Variants in GLG1 observed in about 807,000 individuals in gnomAD.
The protein encoded by GLG1 is Golgi apparatus protein 1.
A neutral mutation model predicts 160.5 loss-of-function variants in GLG1; 38 were observed. The observed-to-expected ratio is 0.24, with a 90% confidence interval of 0.18 to 0.31. The LOEUF (loss-of-function observed/expected upper bound fraction) is 0.31, where lower values mean the gene tolerates loss of function less well. Among genes scored for constraint, GLG1 ranks in the 10% least tolerant of loss-of-function variants. The pLI, the probability that GLG1 is intolerant of heterozygous loss-of-function variation, is 1.00. For synonymous variants in GLG1, 644 were observed against 543.4 expected (o/e 1.19, Z -2.57); for missense variants, 1,373 against 1,505.2 (o/e 0.91, Z 1.45).
At position 74,606,841 on chromosome 16, in the gene GLG1, G is replaced by GGCTGCTGTTGCTGTTGATGCT. The variant is rs1567555063; in HGVS notation, c.253_254insAGCATCAACAGCAACAGCAGC (p.Gln84_Pro85insGlnHisGlnGlnGlnGlnGln). On this transcript the variant is annotated inframe_insertion, in exon 1 of 26. Transcript: ENST00000422840. ...CGGGAAAGGCGGCTGCGGCGGCTGA[G>GGCTGCTGTTGCTGTTGATGCT]GCTGCTGTTGCTGTTGCTGCTGCTG... The GGCTGCTGTTGCTGTTGATGCT allele has an allele frequency of 1.3e-6, 2 of 1,599,244 alleles. No individual in the cohort carries two copies. The highest frequency in any genetic ancestry group is 1.8e-5 in the Admixed American group (1 of 56,964).
In GLG1 at chr16:74,526,412, G is replaced by T. The variant is rs958582138; in HGVS notation, c.471+5709C>A. ...AAGATTCATGACATTACCTGTAGATGAATCTTTGAGATTTAAAAAATACAC... is the reference window on the plus strand; with the variant it reads ...AAGATTCATGACATTACCTGTAGATTAATCTTTGAGATTTAAAAAATACAC... On this transcript the variant is annotated intron_variant, in intron 2 of 25. Coordinates refer to ENST00000422840, the MANE Select transcript of GLG1 (RefSeq NM_001145667.2). Among the ~76,000 whole-genome samples, 10 of 146,024 alleles carry T rather than the reference G, an allele frequency of 6.8e-5. No homozygotes were observed. In the Admixed American group the frequency reaches 6.9e-4, roughly 10 times the overall value.
At chr16:74,482,987 G>A (rs1162960271) in intron 10 of GLG1, 36 bp downstream of exon 10, 2 of 1,040,420 alleles carry the variant, frequency 1.9e-6, no homozygotes, top group Non-Finnish European at 3.0e-6. Flanking sequence ...AGAAGAGGCT[G>A]AGGCAATACA....
intron 1 of GLG1, among the ~76,000 whole-genome samples, chr16:74,587,589 C>G (rs191096204): frequency 5.3e-5 from 8 of 152,324 alleles, no homozygotes; most frequent in Admixed American, 4.6e-4. Flanking sequence ...GCTATTACGG[C>G]TGGGCACGGT....
intron 18 of GLG1, among the ~76,000 whole-genome samples, chr16:74,466,074 G>A (rs879024008): frequency 6.6e-6 from 1 of 152,158 alleles, no homozygotes; most frequent in South Asian, 2.1e-4. Flanking sequence ...ACGATTTCTG[G>A]TTTCTTCTGC....
At chr16:74,483,276 C>A (rs1463316627) in intron 9 of GLG1, 152 bp from the exon 10 acceptor site, 2 of 595,400 alleles carry the variant, frequency 3.4e-6, no homozygotes, top group Admixed American at 6.1e-5. Flanking sequence ...ATTAACTGAA[C>A]CTGACAGTGG....
intron 1 of GLG1, among the ~76,000 whole-genome samples, chr16:74,579,871 T>C (rs1237668877): frequency 3.3e-5 from 5 of 151,754 alleles, no homozygotes; most frequent in Non-Finnish European, 5.9e-5. Context: ...GAGACCATCC[T>C]GGCCAACATG....
chr16:74,560,638 C>T (rs1010577857), intron 1 of GLG1, among the ~76,000 whole-genome samples: 2 of 152,134 alleles, frequency 1.3e-5, no homozygotes, highest in African/African-American at 4.8e-5. Context: ...CTGCGCCTAG[C>T]CCTAAAAACT....
intron 19 of GLG1, 45 bp downstream of exon 19, chr16:74,465,631 G>C: frequency 1.9e-6 from 3 of 1,598,028 alleles, no homozygotes; most frequent in Non-Finnish European, 8.5e-7. Context: ...GTGCTTTGTT[G>C]TTTTGTTGTT....
At chr16:74,501,386 T>G (rs1019196249) in intron 4 of GLG1, among the ~76,000 whole-genome samples, 1 of 152,248 alleles carries the variant, frequency 6.6e-6, no homozygotes, top group Non-Finnish European at 1.5e-5. Flanking sequence ...ACTGAAAGAT[T>G]AAATGACAAA....
chr16:74,600,109 T>C (rs986820692), intron 1 of GLG1, among the ~76,000 whole-genome samples: 5 of 152,222 alleles, frequency 3.3e-5, no homozygotes, highest in African/African-American at 1.2e-4. Flanking sequence ...GCATGTGCTA[T>C]TGGTAATATG....
chr16:74,480,961 C>T (rs1357179243), intron 10 of GLG1, among the ~76,000 whole-genome samples: 1 of 152,188 alleles, frequency 6.6e-6, no homozygotes, highest in Non-Finnish European at 1.5e-5. Flanking sequence ...TTTAAAGTCT[C>T]TCTCAAAGAT....
intron 19 of GLG1, among the ~76,000 whole-genome samples, chr16:74,464,208 T>C (rs1038780481): frequency 2.6e-5 from 4 of 152,198 alleles, no homozygotes; most frequent in Non-Finnish European, 4.4e-5. Context: ...TAATGGCATC[T>C]GAGGAACTTA....
rs142881547 is a variant in GLG1, at chr16:74,607,114, C to T, written c.-20G>A. ...CGCCATCTTGAGTCCGCGGCGAGCTCGACGCACTCGCCGGCGCCGCGTATT... is the reference window on the plus strand; with the variant it reads ...CGCCATCTTGAGTCCGCGGCGAGCTTGACGCACTCGCCGGCGCCGCGTATT... On this transcript the variant is annotated 5_prime_UTR_variant, in exon 1 of 26. Transcript: ENST00000422840. 1.8e-3 allele frequency: 2,724 copies of T among 1,505,500 alleles called. 9 individuals are homozygous for T. Among genetic ancestry groups the T allele is most frequent in the Non-Finnish European group, 1.7e-3 (1,949 of 1,125,062 alleles). The allele number at this position is 1,505,500 out of a possible 1,614,324, so 93.3% of individuals were successfully genotyped here. A position where few individuals can be genotyped will look rare whatever the true frequency, so the allele number is the denominator to read the frequency against.
intron 1 of GLG1, among the ~76,000 whole-genome samples, chr16:74,567,797 T>C (rs1465474787): frequency 6.6e-6 from 1 of 151,478 alleles, no homozygotes; most frequent in Non-Finnish European, 1.5e-5. Context: ...CTCGATCTCC[T>C]GACCTCATGA....
At chr16:74,510,259 G>C (rs1265126166) in intron 2 of GLG1, among the ~76,000 whole-genome samples, 1 of 151,992 alleles carries the variant, frequency 6.6e-6, no homozygotes, top group African/African-American at 2.4e-5. Flanking sequence ...TTGAACTCCT[G>C]CCCTCAGGTG....
In GLG1 at chr16:74,524,677, C is replaced by G. The variant is rs1265789678; in HGVS notation, c.471+7444G>C. 4.6e-5 allele frequency among the ~76,000 whole-genome samples: 7 copies of G among 152,124 alleles called. No individual in the cohort carries two copies. The South Asian group carries it at 1.0e-3, about 23-fold the overall frequency. On this transcript the variant is annotated intron_variant, in intron 2 of 25. Transcript: ENST00000422840. ...AGGATATAAATGACACAGTACCAAT[C>G]TGAATTAATATTTGAAGCTGTATGG...
At chr16:74,514,133 C>A (rs539609791) in intron 2 of GLG1, among the ~76,000 whole-genome samples, 1 of 152,054 alleles carries the variant, frequency 6.6e-6, no homozygotes, top group Non-Finnish European at 1.5e-5. Flanking sequence ...AGAAATATGG[C>A]ACTATGTGAA....
intron 1 of GLG1, among the ~76,000 whole-genome samples, chr16:74,574,923 A>C (rs1250353454): frequency 1.7e-5 from 2 of 117,384 alleles, no homozygotes; most frequent in Non-Finnish European, 3.4e-5. Flanking sequence ...AGACAGAGAG[A>C]GAGAGAGACA....
Position 74,505,521 on chromosome 16 carries a change from A to G in GLG1, c.559-1775T>C, listed in dbSNP as rs187870432. 2.4e-4 allele frequency among the ~76,000 whole-genome samples: 37 copies of G among 152,262 alleles called. No homozygotes were observed. In the East Asian group the frequency reaches 6.6e-3, roughly 27 times the overall value. ...GATCACTTGAAGTTAGGAGTTTGAG[A>G]CCAGCCTCGCCAACATGGCGAAACC... On this transcript the variant is annotated intron_variant, in intron 3 of 25. Coordinates refer to ENST00000422840, the MANE Select transcript of GLG1 (RefSeq NM_001145667.2).
Sources: gnomAD v4.1 joint callset for allele counts (sites outside exome capture counted in the v4.1 genomes callset) on GRCh38, gnomAD v4.1.1 for gene constraint, MANE v1.5 for transcripts, NCBI Gene and HGNC (gene_info 2026-07-23, HGNC 2026-07-21) for gene names.